The following ZNF34 variants were observed in gnomAD, a reference collection of about 807,000 sequenced individuals.
ZNF34 encodes the protein zinc finger protein 34, also known as zinc finger protein 34 (KOX 32).
ZNF34 carries 8 observed loss-of-function variants against 14.4 expected under a neutral mutation model. That is an observed-to-expected ratio of 0.55 (90% CI 0.33 to 1.00). ZNF34 has a LOEUF of 1.00. Among genes scored for constraint, ZNF34 ranks in the 50% least tolerant of loss-of-function variants. The pLI, the probability that ZNF34 is intolerant of heterozygous loss-of-function variation, is 0.03. For synonymous variants in ZNF34, 235 were observed against 247.9 expected (o/e 0.95, Z 0.49); for missense variants, 538 against 674.2 (o/e 0.80, Z 2.24).
chr8:144,772,680 C>T lies in ZNF34; in HGVS notation c.*586G>A, dbSNP rs1301010558. Among the ~76,000 whole-genome samples, 1 of 152,172 alleles carries T rather than the reference C, an allele frequency of 6.6e-6. No individual in the cohort carries two copies. The highest frequency in any genetic ancestry group is 6.5e-5 in the Admixed American group (1 of 15,282). ...TCAGCCTCCCGAGTAGCTGGGATTA[C>T]AGGCACCCACCACCACACCTGGCTA... On this transcript the variant is annotated 3_prime_UTR_variant, in exon 6 of 6. Coordinates refer to ENST00000429371, the MANE Select transcript of ZNF34 (RefSeq NM_001286769.2).
At position 144,778,441 on chromosome 8, in the gene ZNF34, G is replaced by A; in HGVS notation, c.31C>T (p.Gln11Ter). Reference protein sequence around the residue: MAALFLSAPPQAEVTFEDVAV... With the variant: MAALFLSAPP ...CTCCCAGGAGGACAGACACTCACCT[G>A]GGGTGGGGCAGACAGGAACAAGGCC... The change falls in exon 3 of 6, where the codon CAG (glutamine) becomes TAG (stop). Residue 11 changes from glutamine (Q) to a stop codon, truncating the protein, a stop_gained and splice_region_variant. Coordinates refer to ENST00000429371, the MANE Select transcript of ZNF34 (RefSeq NM_001286769.2). LOFTEE classifies it high-confidence loss of function. The A allele has an allele frequency of 6.3e-7, 1 of 1,575,566 alleles. No homozygotes were observed. The highest frequency in any genetic ancestry group is 1.2e-5 in the South Asian group (1 of 85,144).
chr8:144,777,972 C>T lies in ZNF34; in HGVS notation c.160+66G>A. On this transcript the variant is annotated intron_variant, in intron 4 of 5. Transcript: ENST00000429371. This position sits in a 1 kb window ranked among gnomAD's most constrained non-coding sequence, Gnocchi z 4.8. ...GTGCCCAGGGGGTGAGGCCCCTAGC[C>T]CAGCCTCTGCTGAGCCCTTAGCCCC... The T allele has an allele frequency of 6.3e-7, 1 of 1,593,536 alleles. No individual in the cohort carries two copies. The highest frequency in any genetic ancestry group is 8.5e-7 in the Non-Finnish European group (1 of 1,169,662).
At chr8:144,780,855 G>A (rs1452510865) in intron 1 of ZNF34, among the ~76,000 whole-genome samples, 1 of 151,372 alleles carries the variant, frequency 6.6e-6, no homozygotes, top group Non-Finnish European at 1.5e-5. Flanking sequence ...GCATATTACT[G>A]GCCAGGCGTG....
chr8:144,776,833 G>A (rs1411390042), intron 5 of ZNF34, among the ~76,000 whole-genome samples: 2 of 146,554 alleles, frequency 1.4e-5, no homozygotes, highest in East Asian at 2.1e-4. Context: ...GATCGCTTAA[G>A]TGCAGAAGGT....
intron 2 of ZNF34, among the ~76,000 whole-genome samples, chr8:144,778,995 C>T (rs1227095616): frequency 1.3e-5 from 2 of 152,092 alleles, no homozygotes; most frequent in Non-Finnish European, 1.5e-5. Flanking sequence ...GCCTTTGGAA[C>T]ACCAAGCTCT....
Position 144,777,867 on chromosome 8 carries a change from C to T in ZNF34, c.160+171G>A, listed in dbSNP as rs1280088264. ...GGGCGAGAGGGAAGGGAAGGGCTGA[C>T]TCAGGAAGGTCCCAGCACTGCTCTT... is the stretch of plus-strand genomic sequence containing the variant. On this transcript the variant is annotated intron_variant, in intron 4 of 5. Transcript: ENST00000429371. The surrounding 1 kb of genome is among the most constrained non-coding windows in gnomAD (Gnocchi z 4.8). 6.6e-6 allele frequency among the ~76,000 whole-genome samples: 1 copy of T among 152,106 alleles called. No homozygotes were observed. The highest frequency in any genetic ancestry group is 2.4e-5 in the African/African-American group (1 of 41,390).
At position 144,784,672 on chromosome 8, in the gene ZNF34, C is replaced by T. The variant is rs541772007; in HGVS notation, c.-108+2607G>A. Among the ~76,000 whole-genome samples the T allele has an allele frequency of 6.6e-5, 10 of 151,772 alleles. No individual in the cohort carries two copies. In the South Asian group the frequency reaches 1.0e-3, roughly 16 times the overall value. ...ACTCAGGAGGCTGAAGTAGGAGAAT[C>T]GCTTGAACCCGGGAGGCGGAGGTTG... On this transcript the variant is annotated intron_variant, in intron 1 of 5. Transcript: ENST00000429371.
At chr8:144,781,494 G>A (rs1209330773) in intron 1 of ZNF34, among the ~76,000 whole-genome samples, 1 of 152,018 alleles carries the variant, frequency 6.6e-6, no homozygotes, top group Non-Finnish European at 1.5e-5. Flanking sequence ...CTGACCTTGT[G>A]ATCTGCCCGC....
Position 144,777,455 on chromosome 8 carries a change from C to T in ZNF34, c.280+3G>A. The stretch of plus-strand genomic sequence containing the variant: ...GAGTTGGGGAGCAGATCCCCTCACG[C>T]ACCTGGGCTGTTGACTCTCAGGTGC... On this transcript the variant is annotated splice_donor_region_variant and intron_variant, in intron 5 of 5. Coordinates refer to ENST00000429371, the MANE Select transcript of ZNF34 (RefSeq NM_001286769.2). This position sits in a 1 kb window ranked among gnomAD's most constrained non-coding sequence, Gnocchi z 4.8. 5 of 1,551,372 alleles carry T rather than the reference C, an allele frequency of 3.2e-6. No homozygotes were observed. Among genetic ancestry groups the T allele is most frequent in the Non-Finnish European group, 3.5e-6 (4 of 1,146,830 alleles).
At position 144,773,878 on chromosome 8, in the gene ZNF34, G is replaced by A. The variant is rs1484912311; in HGVS notation, c.1008C>T (p.His336=). Residue 336 remains histidine (H), a synonymous_variant, in exon 6 of 6, where the codon CAC becomes CAT. Coordinates refer to ENST00000429371, the MANE Select transcript of ZNF34 (RefSeq NM_001286769.2). This position sits in a 1 kb window ranked among gnomAD's most constrained non-coding sequence, Gnocchi z 5.4. The stretch of plus-strand genomic sequence containing the variant: ...TACATTTATAGGGTTTCTCTCCGGT[G>A]TGGATTCTCTGGTGATAAATCAGGG... ...YSSLIYHQRI[H]TGEKPYKCND... is the part of the protein sequence containing the mutation. 1.2e-6 allele frequency: 2 copies of A among 1,614,158 alleles called. No homozygotes were observed. The highest frequency in any genetic ancestry group is 1.7e-6 in the Non-Finnish European group (2 of 1,180,028).
intron 5 of ZNF34, among the ~76,000 whole-genome samples, chr8:144,775,320 C>A (rs2130211640): frequency 6.6e-6 from 1 of 152,328 alleles, no homozygotes; most frequent in Non-Finnish European, 1.5e-5. Context: ...GACGGCTTGG[C>A]AACCTTATCT....
chr8:144,773,527 G>C lies in ZNF34; in HGVS notation c.1359C>G (p.Pro453=). 1 of 1,614,192 alleles carries C rather than the reference G, an allele frequency of 6.2e-7. No individual in the cohort carries two copies. The highest frequency in any genetic ancestry group is 8.5e-7 in the Non-Finnish European group (1 of 1,180,012). Residue 453 remains proline (P), a synonymous_variant, in exon 6 of 6, where the codon CCC becomes CCG. Coordinates refer to ENST00000429371, the MANE Select transcript of ZNF34 (RefSeq NM_001286769.2). This position sits in a 1 kb window ranked among gnomAD's most constrained non-coding sequence, Gnocchi z 5.4. ...CCTTCCCACACTCGCTGCACTTGTA[G>C]GGCTTCTCTCCTGTGTGGATTCTCT... ...QHQRIHTGEK[P]YKCSECGKAF...
intron 5 of ZNF34, among the ~76,000 whole-genome samples, chr8:144,774,988 C>A (rs2130207452): frequency 6.6e-6 from 1 of 152,348 alleles, no homozygotes; most frequent in South Asian, 2.1e-4. Context: ...CCTGAGGCAA[C>A]AACTCACCTA....
intron 1 of ZNF34, among the ~76,000 whole-genome samples, chr8:144,782,544 T>C (rs912031150): frequency 1.4e-5 from 2 of 147,962 alleles, no homozygotes; most frequent in Non-Finnish European, 3.0e-5. Flanking sequence ...AATAAGAAAG[T>C]AACTCAAGGA....
Position 144,774,809 on chromosome 8 carries a change from C to T in ZNF34, c.281-204G>A, listed in dbSNP as rs146749589. On this transcript the variant is annotated intron_variant, in intron 5 of 5. Transcript: ENST00000429371. ...CAGCCCTTCAAACATTCACTCCTTCCTTCCTTGATTTGACACTCACACAAC... is the reference window on the plus strand; with the variant it reads ...CAGCCCTTCAAACATTCACTCCTTCTTTCCTTGATTTGACACTCACACAAC... 1.8e-3 allele frequency among the ~76,000 whole-genome samples: 278 copies of T among 152,320 alleles called. 1 individual carries two copies. Among genetic ancestry groups the T allele is most frequent in the Admixed American group, 9.3e-3 (143 of 15,296 alleles).
intron 5 of ZNF34, among the ~76,000 whole-genome samples, chr8:144,775,516 T>C (rs556225078): frequency 6.6e-6 from 1 of 152,292 alleles, no homozygotes; most frequent in African/African-American, 2.4e-5. Context: ...GGTGTGTTCA[T>C]ACAATAGAAC....
At position 144,778,499 on chromosome 8, in the gene ZNF34, A is replaced by T; in HGVS notation, c.-28T>A. The T allele has an allele frequency of 6.3e-7, 1 of 1,587,656 alleles. No homozygotes were observed. Among genetic ancestry groups the T allele is most frequent in the Non-Finnish European group, 8.6e-7 (1 of 1,167,332 alleles). On this transcript the variant is annotated 5_prime_UTR_variant, in exon 3 of 6. Coordinates refer to ENST00000429371, the MANE Select transcript of ZNF34 (RefSeq NM_001286769.2). ...CCTGAGGGTTGGGCTTTCTGAGGGC[A>T]GTGAGCAGGAGCTGGTCACTGAGGA...
intron 1 of ZNF34, 113 bp from the exon 2 acceptor site, chr8:144,780,393 TTAAGTA>T (rs1330257918): frequency 3.1e-5 from 25 of 798,898 alleles, no homozygotes; most frequent in Non-Finnish European, 4.5e-5. Context: ...AGCTTTTTAT[TTAAGTA>T]TATTTTTATC....
chr8:144,779,109 T>C lies in ZNF34; in HGVS notation c.-54-584A>G, dbSNP rs1048243057. Among the ~76,000 whole-genome samples the C allele has an allele frequency of 4.0e-5, 6 of 150,048 alleles. No homozygotes were observed. The highest frequency in any genetic ancestry group is 2.1e-4 in the South Asian group (1 of 4,716). On this transcript the variant is annotated intron_variant, in intron 2 of 5. Transcript: ENST00000429371. This position sits in a 1 kb window ranked among gnomAD's most constrained non-coding sequence, Gnocchi z 4.1. ...CCAGGGCTCAGGGCACAAAACCCCT[T>C]GTGGCTTGGATGGAATCCAGGGCTC...
Sources: allele counts gnomAD v4.1 joint callset (sites outside exome capture counted in the v4.1 genomes callset), GRCh38; gene constraint gnomAD v4.1.1; non-coding constraint Gnocchi (gnomAD v3.1); transcripts MANE v1.5; gene names NCBI Gene and HGNC (gene_info 2026-07-23, HGNC 2026-07-21).